HHAT: variants seen among roughly 807,000 people sequenced by gnomAD.
HHAT encodes hedgehog acyltransferase, also known as protein-cysteine N-palmitoyltransferase HHAT.
HHAT carries 47 observed loss-of-function variants against 70.8 expected under a neutral mutation model. That is an observed-to-expected ratio of 0.66 (90% CI 0.53 to 0.85). The LOEUF is 0.85. HHAT is among the 40% of genes least tolerant of loss of function. The pLI is 0.00. For synonymous variants in HHAT, 228 were observed against 247.6 expected (o/e 0.92, Z 0.74); for missense variants, 609 against 604.8 (o/e 1.01, Z -0.07).
intron 9 of HHAT, among the ~76,000 whole-genome samples, chr1:210,548,147 G>C (rs1466439534): frequency 6.6e-6 from 1 of 152,176 alleles, no homozygotes; most frequent in Non-Finnish European, 1.5e-5. Context: ...TTTCTGTTCT[G>C]CTGTCAGTGC....
At chr1:210,439,250 T>G (rs766488294) in intron 7 of HHAT, among the ~76,000 whole-genome samples, 1 of 151,772 alleles carries the variant, frequency 6.6e-6, no homozygotes, top group African/African-American at 2.4e-5. Context: ...TCTTCTGAGC[T>G]CTCTTGGGGG....
chr1:210,383,827 G>A (rs763071822), intron 3 of HHAT, among the ~76,000 whole-genome samples: 5 of 152,222 alleles, frequency 3.3e-5, no homozygotes, highest in Non-Finnish European at 7.3e-5. Flanking sequence ...TTATGAGGCT[G>A]TAATTAGAAA....
intron 11 of HHAT, among the ~76,000 whole-genome samples, chr1:210,658,795 G>A (rs1012388275): frequency 5.3e-5 from 8 of 152,114 alleles, no homozygotes; most frequent in East Asian, 3.8e-4. Flanking sequence ...ACTCAAAACC[G>A]CACAACTACA....
chr1:210,670,673 C>A lies in HHAT; in HGVS notation c.1391-3615C>A, dbSNP rs141115832. ...TTAGGAAAGGATAAGGAGCCCTTGA[C>A]AGCTGTCTGGTACATGCCACGTCTA... On this transcript the variant is annotated intron_variant, in intron 11 of 11. Transcript: ENST00000261458. 2.9e-3 allele frequency among the ~76,000 whole-genome samples: 445 copies of A among 152,322 alleles called. 3 individuals carry two copies. Among genetic ancestry groups the A allele is most frequent in the Middle Eastern group, 0.027 (8 of 294 alleles).
intron 11 of HHAT, among the ~76,000 whole-genome samples, chr1:210,667,301 G>A (rs960953725): frequency 6.6e-6 from 1 of 152,020 alleles, no homozygotes; most frequent in African/African-American, 2.4e-5. Context: ...AGAATCACTT[G>A]AACCTGGGAG....
At chr1:210,633,739 C>T (rs879874087) in intron 11 of HHAT, among the ~76,000 whole-genome samples, 10 of 152,180 alleles carry the variant, frequency 6.6e-5, no homozygotes, top group Non-Finnish European at 1.2e-4. Context: ...TTGAGGCTTC[C>T]GGGCAGGGCA....
At chr1:210,400,739 G>A (rs929695679) in intron 5 of HHAT, 77 bp downstream of exon 5, 6 of 1,337,628 alleles carry the variant, frequency 4.5e-6, no homozygotes, top group African/African-American at 1.5e-5. Context: ...AGACACCTTG[G>A]TTTTCAGACA....
Position 210,674,631 on chromosome 1 carries a change from T to A in HHAT, c.*252T>A. 1 of 451,486 alleles carries A rather than the reference T, an allele frequency of 2.2e-6. No homozygotes were observed. Among genetic ancestry groups the A allele is most frequent in the Non-Finnish European group, 3.9e-6 (1 of 253,508 alleles). The allele number at this position is 451,486 out of a possible 1,614,324, so 28.0% of individuals were successfully genotyped here. ...AGGAAACGGGTCCAGGGCAGTCGTG[T>A]GTCTTACCCAGCTACACAGGGTGAC... On this transcript the variant is annotated 3_prime_UTR_variant, in exon 12 of 12. Transcript: ENST00000261458.
At chr1:210,629,282 A>T (rs925029046) in intron 11 of HHAT, among the ~76,000 whole-genome samples, 5 of 152,260 alleles carry the variant, frequency 3.3e-5, no homozygotes, top group Non-Finnish European at 7.3e-5. Flanking sequence ...CAAGTCAACC[A>T]GGCATAGAAT....
chr1:210,329,252 A>G (rs565313574), intron 1 of HHAT, 148 bp downstream of exon 1: 1 of 1,180,512 alleles, frequency 8.5e-7, no homozygotes, highest in South Asian at 4.0e-5. Flanking sequence ...GGACAGAGGA[A>G]GTTCCCGGTC....
rs1041268226 is a variant in HHAT at position 210,675,955 on chromosome 1, C to T, written c.*1576C>T. The T allele has an allele frequency of 1.6e-4, 24 of 152,060 alleles. No individual in the cohort carries two copies. The highest frequency in any genetic ancestry group is 3.3e-4 in the Admixed American group (5 of 15,270). 9.4% of individuals were successfully genotyped at this position (152,060 alleles called of 1,614,324 possible). ...AGGGAGGAGTGAGCACCTAAATGAA[C>T]GCAGTAAACCTTCATGGACCAACAG... On this transcript the variant is annotated 3_prime_UTR_variant, in exon 12 of 12. Transcript: ENST00000261458.
At chr1:210,368,033 C>T (rs4844521) in intron 3 of HHAT, among the ~76,000 whole-genome samples, 25,247 of 151,310 alleles carry the variant, frequency 0.17, 2,394 homozygotes, top group Admixed American at 0.26. Flanking sequence ...TCTTGCTGGT[C>T]TTCTCTCTAG....
intron 10 of HHAT, among the ~76,000 whole-genome samples, chr1:210,602,553 G>C (rs1375011987): frequency 2.6e-5 from 4 of 152,162 alleles, no homozygotes; most frequent in Admixed American, 2.6e-4. Context: ...TGGAAGAAGG[G>C]CGGTTAGAGA....
At chr1:210,496,010 C>CACAAAA (rs1553245621) in intron 8 of HHAT, among the ~76,000 whole-genome samples, 1 of 67,960 alleles carries the variant, frequency 1.5e-5, no homozygotes, top group Non-Finnish European at 2.5e-5. Flanking sequence ...AACTCTATCT[C>CACAAAA]AAAAAAAAAA....
intron 3 of HHAT, among the ~76,000 whole-genome samples, chr1:210,381,371 C>T (rs778956308): frequency 1.4e-4 from 22 of 152,098 alleles, no homozygotes; most frequent in Non-Finnish European, 2.5e-4. Flanking sequence ...ACCTCCACCT[C>T]CCAGGTTCAA....
intron 8 of HHAT, among the ~76,000 whole-genome samples, chr1:210,467,306 C>A (rs2094127161): frequency 6.6e-6 from 1 of 152,054 alleles, no homozygotes. Context: ...AAAAGAATAA[C>A]AATTAGAGTG....
rs567321166 is a variant in HHAT, at chr1:210,646,354, C to T, written c.1390+22684C>T. Among the ~76,000 whole-genome samples, 15 of 152,294 alleles carry T rather than the reference C, an allele frequency of 9.8e-5. No homozygotes were observed. In the South Asian group the frequency reaches 2.3e-3, roughly 23 times the overall value. On this transcript the variant is annotated intron_variant, in intron 11 of 11. Transcript: ENST00000261458. ...ACAAACTCCTAGCCTGAACCTCTTG[C>T]GCTGGCAGGATAAGTTCCTGTTTTC...
intron 8 of HHAT, among the ~76,000 whole-genome samples, chr1:210,502,856 G>A (rs1326317628): frequency 1.3e-5 from 2 of 151,966 alleles, no homozygotes; most frequent in Non-Finnish European, 2.9e-5. Context: ...TCATATTAAG[G>A]CACAACACCT....
intron 10 of HHAT, among the ~76,000 whole-genome samples, chr1:210,614,018 CAAAAAAA>C (rs55874321): frequency 1.8e-5 from 2 of 111,560 alleles, no homozygotes. Flanking sequence ...GACCCTGCCT[CAAAAAAA>C]AAAAAAAAAA....
Sources: allele counts gnomAD v4.1 joint callset (sites outside exome capture counted in the v4.1 genomes callset), GRCh38; gene constraint gnomAD v4.1.1; transcripts MANE v1.5; gene names NCBI Gene and HGNC (gene_info 2026-07-23, HGNC 2026-07-21).